The following INTS9 variants were observed in gnomAD, a reference collection of about 807,000 sequenced individuals.
The protein encoded by INTS9 is integrator complex subunit 9, also known as protein related to CPSF subunits of 74 kDa.
A neutral mutation model predicts 79.7 loss-of-function variants in INTS9; 55 were observed. The ratio of observed to expected loss-of-function variants is 0.69; its 90% confidence interval spans 0.56 to 0.86. The LOEUF (loss-of-function observed/expected upper bound fraction) is 0.86. Among genes scored for constraint, INTS9 ranks in the 40% least tolerant of loss-of-function variants. The pLI is 0.00. For missense variants in INTS9, 721 were observed against 831.5 expected (o/e 0.87, Z 1.64); for synonymous variants, 319 against 325.2 (o/e 0.98, Z 0.20).
At chr8:28,821,310 A>G (rs762959988) in intron 6 of INTS9, among the ~76,000 whole-genome samples, 1 of 152,240 alleles carries the variant, frequency 6.6e-6, no homozygotes, top group South Asian at 2.1e-4. Flanking sequence ...TACTTCTTAC[A>G]TGGCGGTGGC....
chr8:28,862,294 T>C (rs1808504160), intron 1 of INTS9: 1 of 890,506 alleles, frequency 1.1e-6, no homozygotes, highest in Non-Finnish European at 1.3e-6. Context: ...TTATATTCCA[T>C]CTTTTTTCAT....
intron 14 of INTS9, among the ~76,000 whole-genome samples, chr8:28,773,910 C>T (rs1051984370): frequency 3.3e-5 from 5 of 152,174 alleles, no homozygotes; most frequent in African/African-American, 1.2e-4. Flanking sequence ...GCAACCTCTG[C>T]CTCCCGGTTC....
At chr8:28,881,513 T>G (rs1350784775) in intron 1 of INTS9, among the ~76,000 whole-genome samples, 2 of 82,858 alleles carry the variant, frequency 2.4e-5, no homozygotes, top group Admixed American at 1.4e-4. Context: ...AGCCGCCCCG[T>G]CCGGGAGGGA....
intron 1 of INTS9, among the ~76,000 whole-genome samples, chr8:28,881,429 G>T (rs1809791276): frequency 1.4e-5 from 2 of 147,730 alleles, no homozygotes; most frequent in Non-Finnish European, 3.0e-5. Flanking sequence ...GAGGGAGGTG[G>T]GGGGGTCAGC....
intron 1 of INTS9, among the ~76,000 whole-genome samples, chr8:28,860,471 T>C (rs1488824632): frequency 6.7e-6 from 1 of 149,890 alleles, no homozygotes; most frequent in Admixed American, 6.7e-5. Flanking sequence ...AAGTCCATTC[T>C]CTCCTTTTTT....
chr8:28,796,690 T>C, intron 8 of INTS9, 35 bp from the exon 9 acceptor site: 1 of 1,262,180 alleles, frequency 7.9e-7, no homozygotes, highest in African/African-American at 1.5e-5. Flanking sequence ...TTAGTAATTT[T>C]AAAAGGAACA....
At chr8:28,881,328 C>T (rs1364136981) in intron 1 of INTS9, among the ~76,000 whole-genome samples, 27 of 136,704 alleles carry the variant, frequency 2.0e-4, no homozygotes, top group Middle Eastern at 4.7e-3. Context: ...GCCTGGCCAG[C>T]CGCCCCGTCC....
At chr8:28,770,142 C>T (rs932718580) in intron 15 of INTS9, 116 bp from the exon 16 acceptor site, 25 of 1,332,148 alleles carry the variant, frequency 1.9e-5, no homozygotes, top group South Asian at 2.9e-5. Flanking sequence ...AGCCCCGGCC[C>T]GGTTTCCTCA....
chr8:28,807,770 C>T (rs1042626342), intron 8 of INTS9, among the ~76,000 whole-genome samples: 16 of 152,116 alleles, frequency 1.1e-4, no homozygotes, highest in Admixed American at 2.6e-4. Flanking sequence ...TGATGTTTAA[C>T]GAAGAAACTA....
chr8:28,825,594 A>T (rs1480815974), intron 6 of INTS9, among the ~76,000 whole-genome samples: 4 of 152,152 alleles, frequency 2.6e-5, no homozygotes, highest in African/African-American at 9.7e-5. Flanking sequence ...TCCATCTAGG[A>T]CAACGTCCTG....
intron 4 of INTS9, among the ~76,000 whole-genome samples, chr8:28,838,301 C>T (rs1304603482): frequency 6.6e-6 from 1 of 151,864 alleles, no homozygotes; most frequent in Non-Finnish European, 1.5e-5. Context: ...ATAGAGCCCG[C>T]CCTAAAAAGC....
At chr8:28,773,234 C>T (rs1052568873) in intron 14 of INTS9, among the ~76,000 whole-genome samples, 26 of 152,072 alleles carry the variant, frequency 1.7e-4, no homozygotes, top group Admixed American at 1.0e-3. Flanking sequence ...GAGGCCAAGG[C>T]GGGTGGATCA....
intron 5 of INTS9, among the ~76,000 whole-genome samples, chr8:28,836,399 A>G (rs1806809946): frequency 6.6e-6 from 1 of 152,224 alleles, no homozygotes; most frequent in Admixed American, 6.5e-5. Context: ...AATGGATTTG[A>G]CACCTTGAAT....
intron 9 of INTS9, among the ~76,000 whole-genome samples, chr8:28,795,540 T>G (rs1190489883): frequency 6.9e-6 from 1 of 145,984 alleles, no homozygotes; most frequent in Non-Finnish European, 1.5e-5. Context: ...CTCGGGAGGC[T>G]GAAGCAGGAG....
At chr8:28,846,572 A>G (rs1585463599) in intron 4 of INTS9, among the ~76,000 whole-genome samples, 175 bp downstream of exon 4, 1 of 152,218 alleles carries the variant, frequency 6.6e-6, no homozygotes, top group African/African-American at 2.4e-5. Flanking sequence ...ATTTACAAAC[A>G]ATATAAAAAG....
intron 1 of INTS9, among the ~76,000 whole-genome samples, chr8:28,864,855 G>A (rs146608691): frequency 1.3e-5 from 2 of 151,986 alleles, no homozygotes; most frequent in East Asian, 1.9e-4. Context: ...GCATGGTGGT[G>A]CACACCTGTA....
intron 10 of INTS9, 31 bp downstream of exon 10, chr8:28,793,776 T>TCACA (rs370335052): frequency 7.6e-7 from 1 of 1,322,844 alleles, no homozygotes. Context: ...CAAATAAAAT[T>TCACA]CACAAAAAAA....
intron 9 of INTS9, among the ~76,000 whole-genome samples, chr8:28,795,845 C>T (rs1260922412): frequency 6.6e-6 from 1 of 152,122 alleles, no homozygotes; most frequent in African/African-American, 2.4e-5. Context: ...CTAACTAAGA[C>T]AGTAACCAAC....
At chr8:28,769,848 C>CCACGTGTGGAGTTTT in intron 16 of INTS9, 41 bp downstream of exon 16, 1 of 1,606,908 alleles carries the variant, frequency 6.2e-7, no homozygotes, top group Non-Finnish European at 8.5e-7. Context: ...GGAAAGGCTG[C>CCACGTGTGGAGTTTT]CACGTGTGGA....
Sources: allele counts gnomAD v4.1 joint callset (sites outside exome capture counted in the v4.1 genomes callset), GRCh38; gene constraint gnomAD v4.1.1; transcripts MANE v1.5; gene names NCBI Gene and HGNC (gene_info 2026-07-23, HGNC 2026-07-21).